DPP6: variants seen among roughly 807,000 people sequenced by gnomAD.
The protein encoded by DPP6 is A-type potassium channel modulatory protein DPP6.
DPP6 carries 69 observed loss-of-function variants against 122.6 expected under a neutral mutation model. The ratio of observed to expected loss-of-function variants is 0.56; its 90% confidence interval spans 0.46 to 0.69. The LOEUF is 0.69. Ranked by LOEUF, DPP6 falls within the 30% of genes least tolerant of loss-of-function variation. The pLI is 0.00. For synonymous variants in DPP6, 418 were observed against 433.1 expected, an observed-to-expected ratio of 0.97 and a Z score of 0.43; for missense variants, 928 against 1,116.9, an observed-to-expected ratio of 0.83 and a Z score of 2.41.
intron 3 of DPP6, among the ~76,000 whole-genome samples, chr7:154,515,622 C>G (rs950438563): frequency 3.3e-5 from 5 of 152,072 alleles, no homozygotes; most frequent in African/African-American, 1.2e-4. Flanking sequence ...ACTACAGGCA[C>G]GTGCTACCAT....
chr7:154,714,171 C>A (rs1841351142), intron 7 of DPP6, among the ~76,000 whole-genome samples: 1 of 152,174 alleles, frequency 6.6e-6, no homozygotes, highest in African/African-American at 2.4e-5. Flanking sequence ...CGACAAGTCT[C>A]TAGTGAGTTC....
chr7:154,688,493 C>T (rs972302308), intron 7 of DPP6, among the ~76,000 whole-genome samples: 1 of 151,974 alleles, frequency 6.6e-6, no homozygotes, highest in African/African-American at 2.4e-5. Flanking sequence ...GTGTATTAGT[C>T]AGGGTTCAGA....
the DPP6 span, among the ~76,000 whole-genome samples, chr7:153,782,632 G>A: frequency 6.6e-6 from 1 of 152,154 alleles, no homozygotes; most frequent in South Asian, 2.1e-4. Context: ...TTCAAGTACA[G>A]ATGTGCTGGA....
the DPP6 span, among the ~76,000 whole-genome samples, chr7:153,820,019 T>C: frequency 2.0e-5 from 3 of 152,330 alleles, no homozygotes; most frequent in South Asian, 6.2e-4. Context: ...TTACATCTTC[T>C]TTGTGGCTAT....
chr7:154,177,202 T>A (rs894466715), intron 1 of DPP6, among the ~76,000 whole-genome samples: 3 of 152,128 alleles, frequency 2.0e-5, no homozygotes, highest in African/African-American at 7.2e-5. Context: ...ACACAAGAAA[T>A]ATAGGCAGGT....
In DPP6 at chr7:154,441,062, G is replaced by A. The variant is rs536769068; in HGVS notation, c.244-5152G>A. On this transcript the variant is annotated intron_variant, in intron 1 of 25. Coordinates refer to ENST00000377770, the MANE Select transcript of DPP6 (RefSeq NM_130797.4). ...CAAACACGTCATGGGATGTGTACCC[G>A]GAACATTCACAGTGGTTATTGGCTG... Among the ~76,000 whole-genome samples, 50 of 152,270 alleles carry A rather than the reference G, an allele frequency of 3.3e-4. No homozygotes were observed. In the South Asian group the frequency reaches 5.6e-3, roughly 17 times the overall value.
intron 1 of DPP6, among the ~76,000 whole-genome samples, chr7:154,006,761 T>C (rs1018636563): frequency 9.2e-5 from 14 of 152,242 alleles, no homozygotes; most frequent in Admixed American, 6.5e-4. Flanking sequence ...CTTAAAAGAC[T>C]ATCTGCACGC....
At chr7:153,761,948 G>T in the DPP6 span, among the ~76,000 whole-genome samples, 1 of 152,190 alleles carries the variant, frequency 6.6e-6, no homozygotes, top group South Asian at 2.1e-4. Flanking sequence ...GTAGCATTTT[G>T]GTTGGTCAGG....
intron 3 of DPP6, among the ~76,000 whole-genome samples, chr7:154,517,741 T>A (rs558310223): frequency 3.3e-5 from 5 of 152,094 alleles, no homozygotes; most frequent in Admixed American, 2.6e-4. Flanking sequence ...GGAGATCACA[T>A]GGAAATGACA....
At chr7:154,274,422 C>G (rs942636937) in intron 1 of DPP6, among the ~76,000 whole-genome samples, 4 of 152,142 alleles carry the variant, frequency 2.6e-5, no homozygotes, top group African/African-American at 9.7e-5. Context: ...TGGAGTTGAT[C>G]TACATAAAGT....
chr7:153,825,266 T>C, the DPP6 span, among the ~76,000 whole-genome samples: 1 of 152,142 alleles, frequency 6.6e-6, no homozygotes, highest in Non-Finnish European at 1.5e-5. Flanking sequence ...TTCTCTCATC[T>C]TGGAGAGACC....
the DPP6 span, among the ~76,000 whole-genome samples, chr7:153,857,268 T>G: frequency 6.6e-6 from 1 of 151,274 alleles, no homozygotes; most frequent in African/African-American, 2.4e-5. Context: ...TAGAAAACAT[T>G]GGCCATAACC....
At chr7:153,864,922 C>A in the DPP6 span, among the ~76,000 whole-genome samples, 1 of 152,002 alleles carries the variant, frequency 6.6e-6, no homozygotes, top group African/African-American at 2.4e-5. Context: ...TGAAAAGAGC[C>A]CAGGGAGAAG....
At chr7:154,197,810 A>G (rs1265271171) in intron 1 of DPP6, among the ~76,000 whole-genome samples, 1 of 152,220 alleles carries the variant, frequency 6.6e-6, no homozygotes, top group Non-Finnish European at 1.5e-5. Context: ...TGCAGTTCAT[A>G]TCCTAACCCA....
chr7:154,542,054 T>C (rs1828772284), intron 4 of DPP6, among the ~76,000 whole-genome samples: 1 of 152,204 alleles, frequency 6.6e-6, no homozygotes, highest in Admixed American at 6.5e-5. Context: ...TTCTTTTGCA[T>C]AAAGATACCT....
chr7:153,824,117 G>A, the DPP6 span, among the ~76,000 whole-genome samples: 20 of 152,242 alleles, frequency 1.3e-4, no homozygotes, highest in South Asian at 4.1e-4. Context: ...GGTTGGGCGC[G>A]GTGGCTTACG....
intron 1 of DPP6, among the ~76,000 whole-genome samples, chr7:154,088,201 G>A (rs1487959337): frequency 1.3e-5 from 2 of 152,092 alleles, no homozygotes; most frequent in East Asian, 3.9e-4. Flanking sequence ...ATCTTTTAGG[G>A]CTTTGCTCTG....
intron 1 of DPP6, among the ~76,000 whole-genome samples, chr7:153,950,589 G>T (rs956631688): frequency 6.6e-6 from 1 of 152,156 alleles, no homozygotes. Context: ...AGGAAGGAAC[G>T]CCTGAAGTGG....
chr7:154,299,019 G>C (rs1420102303), intron 1 of DPP6, among the ~76,000 whole-genome samples: 1 of 152,150 alleles, frequency 6.6e-6, no homozygotes, highest in Non-Finnish European at 1.5e-5. Flanking sequence ...TAGATTACTG[G>C]ACACAGGAGA....
Sources: gnomAD v4.1 joint callset for allele counts (sites outside exome capture counted in the v4.1 genomes callset) on GRCh38, gnomAD v4.1.1 for gene constraint, MANE v1.5 for transcripts, NCBI Gene and HGNC (gene_info 2026-07-23, HGNC 2026-07-21) for gene names.